The following COTL1 variants were observed in gnomAD, a reference collection of about 807,000 sequenced individuals.
COTL1 encodes the protein coactosin like F-actin binding protein 1.
In COTL1, 15 loss-of-function variants were observed where a neutral mutation model predicts 16.5. That is an observed-to-expected ratio of 0.91 (90% CI 0.61 to 1.40). COTL1 has a LOEUF of 1.40. Among genes scored for constraint, COTL1 ranks in the 40% most tolerant of loss-of-function variants. The probability of loss-of-function intolerance (pLI) is 0.00; values close to 1 mark genes in which losing one functional copy is unlikely to be tolerated. For missense variants in COTL1, 220 were observed against 201.5 expected (o/e 1.09, Z -0.56); for synonymous variants, 112 against 85.3 (o/e 1.31, Z -1.73).
intron 3 of COTL1, among the ~76,000 whole-genome samples, chr16:84,588,525 G>C (rs1004115454): frequency 6.6e-6 from 1 of 152,054 alleles, no homozygotes; most frequent in African/African-American, 2.4e-5. Context: ...TTTTGCAACA[G>C]GGTCTCACTC....
chr16:84,569,729 G>A (rs1006118113), intron 3 of COTL1, among the ~76,000 whole-genome samples: 6 of 152,172 alleles, frequency 3.9e-5, no homozygotes, highest in Admixed American at 2.6e-4. Context: ...TATGTGATCC[G>A]TGCAATGAAA....
chr16:84,605,949 T>C (rs894623360), intron 2 of COTL1, among the ~76,000 whole-genome samples: 6 of 152,252 alleles, frequency 3.9e-5, no homozygotes, highest in African/African-American at 1.4e-4. Flanking sequence ...AACTTATTTA[T>C]TTATTGCTCG....
chr16:84,605,172 G>A (rs1053335627), intron 2 of COTL1, among the ~76,000 whole-genome samples: 1 of 152,236 alleles, frequency 6.6e-6, no homozygotes, highest in Non-Finnish European at 1.5e-5. Flanking sequence ...CTGCCCCACG[G>A]TGTTCCACAG....
intron 3 of COTL1, among the ~76,000 whole-genome samples, chr16:84,588,132 A>G (rs965341928): frequency 6.6e-6 from 1 of 152,122 alleles, no homozygotes; most frequent in Non-Finnish European, 1.5e-5. Flanking sequence ...CTATAATCCA[A>G]GCACTTTCGG....
chr16:84,592,777 G>T (rs1322090872), intron 2 of COTL1, among the ~76,000 whole-genome samples: 3 of 152,090 alleles, frequency 2.0e-5, no homozygotes, highest in Non-Finnish European at 4.4e-5. Context: ...AAAACCGGAG[G>T]GGGTAACCAG....
chr16:84,579,221 G>A lies in COTL1; in HGVS notation c.318+10884C>T, dbSNP rs140923604. The stretch of plus-strand genomic sequence containing the variant: ...CATTACAATAATAGAAACAGGCCGG[G>A]CATGGTGGCTCATGCCTGTAATCCC... On this transcript the variant is annotated intron_variant, in intron 3 of 3. Coordinates refer to ENST00000262428, the MANE Select transcript of COTL1 (RefSeq NM_021149.5). Among the ~76,000 whole-genome samples the A allele has an allele frequency of 1.8e-3, 279 of 152,376 alleles. 2 individuals are homozygous for A. The highest frequency in any genetic ancestry group is 6.4e-3 in the African/African-American group (267 of 41,588).
chr16:84,605,080 C>T (rs570073166), intron 2 of COTL1, among the ~76,000 whole-genome samples: 2 of 152,362 alleles, frequency 1.3e-5, no homozygotes, highest in South Asian at 4.1e-4. Flanking sequence ...GTGTCAACAA[C>T]AATGGCAGAA....
chr16:84,598,659 C>CCT (rs1555523934), intron 2 of COTL1, among the ~76,000 whole-genome samples: 1 of 150,946 alleles, frequency 6.6e-6, no homozygotes. Context: ...CCCCCCCAAC[C>CCT]CCCCCCACCA....
At chr16:84,579,798 G>A (rs1904538381) in intron 3 of COTL1, among the ~76,000 whole-genome samples, 1 of 152,220 alleles carries the variant, frequency 6.6e-6, no homozygotes, top group Non-Finnish European at 1.5e-5. Flanking sequence ...AAAGTATGCA[G>A]TGGTCCAGGG....
intron 3 of COTL1, among the ~76,000 whole-genome samples, chr16:84,571,604 G>A (rs1301578763): frequency 6.6e-6 from 1 of 152,148 alleles, no homozygotes; most frequent in Non-Finnish European, 1.5e-5. Flanking sequence ...CTTTGAGCCT[G>A]GCAGTGACTC....
intron 3 of COTL1, among the ~76,000 whole-genome samples, chr16:84,574,250 A>G (rs1016519974): frequency 1.3e-5 from 2 of 152,106 alleles, no homozygotes; most frequent in African/African-American, 4.8e-5. Context: ...GGCCCTGGGG[A>G]TGCGTTCCTG....
intron 3 of COTL1, among the ~76,000 whole-genome samples, chr16:84,578,654 G>A (rs986773306): frequency 6.7e-6 from 1 of 148,952 alleles, no homozygotes; most frequent in Non-Finnish European, 1.5e-5. Flanking sequence ...CACACACACA[G>A]GCATGCACCC....
chr16:84,612,919 G>A (rs1289541355), intron 2 of COTL1, among the ~76,000 whole-genome samples: 1 of 152,100 alleles, frequency 6.6e-6, no homozygotes, highest in East Asian at 1.9e-4. Flanking sequence ...GAGGGAGGGA[G>A]GCACTTGCCC....
intron 2 of COTL1, chr16:84,594,519 C>T (rs1030756210): frequency 6.6e-6 from 1 of 152,248 alleles, no homozygotes; most frequent in South Asian, 2.1e-4. Flanking sequence ...TGAGGAGTGT[C>T]GTCAGAGCAT....
intron 3 of COTL1, among the ~76,000 whole-genome samples, chr16:84,581,609 T>C (rs933133805): frequency 6.6e-6 from 1 of 152,188 alleles, no homozygotes; most frequent in Non-Finnish European, 1.5e-5. Context: ...GTTCAAGCGA[T>C]TCTCCTGCCG....
chr16:84,578,742 C>T (rs1206954953), intron 3 of COTL1, among the ~76,000 whole-genome samples: 4 of 152,028 alleles, frequency 2.6e-5, no homozygotes, highest in Non-Finnish European at 5.9e-5. Flanking sequence ...CCCTCTCACA[C>T]ACATACATGC....
intron 2 of COTL1, among the ~76,000 whole-genome samples, chr16:84,616,968 C>A (rs1387731109): frequency 6.6e-6 from 1 of 152,154 alleles, no homozygotes; most frequent in African/African-American, 2.4e-5. Context: ...ATTAGTTTCG[C>A]CTTGTCTAGG....
chr16:84,577,729 T>C (rs1328027769), intron 3 of COTL1, among the ~76,000 whole-genome samples: 2 of 152,182 alleles, frequency 1.3e-5, no homozygotes, highest in Non-Finnish European at 2.9e-5. Flanking sequence ...GGCACACGGC[T>C]GTATTTCGGG....
At chr16:84,585,628 C>T (rs1191080294) in intron 3 of COTL1, among the ~76,000 whole-genome samples, 2 of 152,098 alleles carry the variant, frequency 1.3e-5, no homozygotes, top group African/African-American at 4.8e-5. Context: ...TGGAAGGTCC[C>T]TTAGAGAACA....
Sources: gnomAD v4.1 joint callset for allele counts (sites outside exome capture counted in the v4.1 genomes callset) on GRCh38, gnomAD v4.1.1 for gene constraint, MANE v1.5 for transcripts, NCBI Gene and HGNC (gene_info 2026-07-23, HGNC 2026-07-21) for gene names.